The following GMDS variants were observed in gnomAD, a reference collection of about 807,000 sequenced individuals.
GMDS encodes GDP-mannose 4,6 dehydratase.
A neutral mutation model predicts 49.9 loss-of-function variants in GMDS; 20 were observed. That is an observed-to-expected ratio of 0.40 (90% confidence interval 0.28 to 0.58). GMDS has a LOEUF of 0.58. GMDS is among the 20% of genes least tolerant of loss of function. The probability of loss-of-function intolerance (pLI) is 0.42; values close to 1 mark genes in which losing one functional copy is unlikely to be tolerated. For missense variants in GMDS, 362 were observed against 481.4 expected, an observed-to-expected ratio of 0.75 and a Z score of 2.32; for synonymous variants, 177 against 178.6, an observed-to-expected ratio of 0.99 and a Z score of 0.07.
chr6:1,935,240 T>G (rs1446877599), intron 6 of GMDS, among the ~76,000 whole-genome samples: 1 of 152,200 alleles, frequency 6.6e-6, no homozygotes, highest in Non-Finnish European at 1.5e-5. Context: ...GTCTCCTCTG[T>G]GTACTACTTG....
At chr6:2,199,655 C>T (rs1023594598) in intron 1 of GMDS, among the ~76,000 whole-genome samples, 4 of 152,320 alleles carry the variant, frequency 2.6e-5, no homozygotes, top group African/African-American at 9.6e-5. Flanking sequence ...TTCTTACCAA[C>T]AACTTAATGC....
chr6:2,237,697 T>G (rs1012306052), intron 1 of GMDS, among the ~76,000 whole-genome samples: 4 of 151,958 alleles, frequency 2.6e-5, no homozygotes, highest in Non-Finnish European at 2.9e-5. Context: ...AATTTTTGTA[T>G]TTTTAGTAGA....
chr6:1,934,756 A>T (rs547715419), intron 6 of GMDS, among the ~76,000 whole-genome samples: 26 of 151,554 alleles, frequency 1.7e-4, no homozygotes, highest in African/African-American at 4.4e-4. Context: ...TTTTTTTTTT[A>T]AATTTGCTCT....
intron 1 of GMDS, among the ~76,000 whole-genome samples, chr6:2,196,089 C>T (rs1779264076): frequency 6.6e-6 from 1 of 152,052 alleles, no homozygotes; most frequent in Non-Finnish European, 1.5e-5. Context: ...AACTTACAAA[C>T]ATTAGTAACA....
intron 4 of GMDS, among the ~76,000 whole-genome samples, chr6:2,018,973 T>C (rs528571096): frequency 6.6e-6 from 1 of 152,166 alleles, no homozygotes; most frequent in African/African-American, 2.4e-5. Flanking sequence ...AAAGTTCCCA[T>C]TTTTCCACAA....
intron 9 of GMDS, among the ~76,000 whole-genome samples, chr6:1,669,253 A>C (rs1483557157): frequency 1.3e-5 from 2 of 152,114 alleles, no homozygotes; most frequent in Admixed American, 6.5e-5. Flanking sequence ...GCTTTTTGGG[A>C]ATTTCAGCCT....
At chr6:1,840,312 T>C (rs560952088) in intron 7 of GMDS, among the ~76,000 whole-genome samples, 1 of 152,310 alleles carries the variant, frequency 6.6e-6, no homozygotes, top group South Asian at 2.1e-4. Flanking sequence ...CTGCCTCTCC[T>C]CACCCCTTCC....
chr6:1,778,386 G>A lies in GMDS; in HGVS notation c.772-35800C>T, dbSNP rs1487468955. Among the ~76,000 whole-genome samples, 3 of 152,206 alleles carry A rather than the reference G, an allele frequency of 2.0e-5. No individual in the cohort carries two copies. Among genetic ancestry groups the A allele is most frequent in the Non-Finnish European group, 2.9e-5 (2 of 68,034 alleles). ...TTATTATAACACCTGAAAGATAAAT[G>A]AGCTGATGTTAAAGGTTCAGTGGAG... is the stretch of plus-strand genomic sequence containing the variant. On this transcript the variant is annotated intron_variant, in intron 7 of 10. Coordinates refer to ENST00000380815, the MANE Select transcript of GMDS (RefSeq NM_001500.4). This position sits in a 1 kb window ranked among gnomAD's most constrained non-coding sequence, Gnocchi z 4.6.
chr6:1,810,281 AGAG>A (rs1770362763), intron 7 of GMDS, among the ~76,000 whole-genome samples: 1 of 152,168 alleles, frequency 6.6e-6, no homozygotes, highest in South Asian at 2.1e-4. Context: ...GGCAGGGGGC[AGAG>A]GAGAAGTTTA....
Position 1,911,035 on chromosome 6 carries a change from C to T in GMDS, c.771+19068G>A, listed in dbSNP as rs1208791454. Among the ~76,000 whole-genome samples the T allele has an allele frequency of 2.0e-5, 3 of 152,236 alleles. No individual in the cohort carries two copies. The South Asian group carries it at 6.2e-4, about 32-fold the overall frequency. On this transcript the variant is annotated intron_variant, in intron 7 of 10. Transcript: ENST00000380815. ...GGAAAATCTGTTCCCACAGCCTGGA[C>T]CCTACAGTCAGGGAAAGATGGAGGG...
chr6:1,624,075 G>T lies in GMDS; in HGVS notation c.*94C>A. ...CAGCAGGGGCCGCAGGGGACCCGCA[G>T]ATTGGCACGCCGCTCCCCATCCCCG... On this transcript the variant is annotated 3_prime_UTR_variant, in exon 11 of 11. Transcript: ENST00000380815. The T allele has an allele frequency of 8.6e-7, 1 of 1,163,724 alleles. No homozygotes were observed. The highest frequency in any genetic ancestry group is 1.2e-6 in the Non-Finnish European group (1 of 802,886). 72.1% of individuals were successfully genotyped at this position (1,163,724 alleles called of 1,614,324 possible).
intron 4 of GMDS, among the ~76,000 whole-genome samples, chr6:1,967,299 G>A (rs1328928185): frequency 6.6e-6 from 1 of 152,142 alleles, no homozygotes; most frequent in Admixed American, 6.6e-5. Context: ...CTTGTTCTCC[G>A]CAGTGTCTCC....
At position 1,905,449 on chromosome 6, in the gene GMDS, A is replaced by G. The variant is rs9501782; in HGVS notation, c.771+24654T>C. Among the ~76,000 whole-genome samples, 247 of 105,402 alleles carry G rather than the reference A, an allele frequency of 2.3e-3. 5 individuals carry two copies. The highest frequency in any genetic ancestry group is 8.5e-3 in the African/African-American group (208 of 24,536). The allele number at this position is 105,402 out of a possible 152,430, so 69.1% of individuals were successfully genotyped here. On this transcript the variant is annotated intron_variant, in intron 7 of 10. Coordinates refer to ENST00000380815, the MANE Select transcript of GMDS (RefSeq NM_001500.4). ...CTGCATGTGGGGCCAGCACATAGCT[A>G]TGGGTGCTGGCGTGTAGGTGGGGCC...
intron 9 of GMDS, among the ~76,000 whole-genome samples, chr6:1,671,382 A>G (rs777401864): frequency 1.3e-5 from 2 of 152,154 alleles, no homozygotes; most frequent in Non-Finnish European, 2.9e-5. Context: ...AAGCCCCACA[A>G]TCTTCAGCAG....
intron 9 of GMDS, among the ~76,000 whole-genome samples, chr6:1,693,670 G>A (rs1483213053): frequency 6.6e-6 from 1 of 152,168 alleles, no homozygotes; most frequent in Non-Finnish European, 1.5e-5. Context: ...CTGTCTTAAT[G>A]CTAGTGTTTA....
At chr6:2,174,578 T>C (rs1373072738) in intron 1 of GMDS, among the ~76,000 whole-genome samples, 2 of 152,028 alleles carry the variant, frequency 1.3e-5, no homozygotes, top group Non-Finnish European at 2.9e-5. Context: ...TGTTTTGTTT[T>C]TTAAATTGAG....
At chr6:2,194,047 A>G (rs930690011) in intron 1 of GMDS, among the ~76,000 whole-genome samples, 2 of 152,042 alleles carry the variant, frequency 1.3e-5, no homozygotes, top group Admixed American at 1.3e-4. Context: ...TTTAAAAAAA[A>G]AGAAGCATTA....
chr6:1,790,355 G>T (rs1325075039), intron 7 of GMDS, among the ~76,000 whole-genome samples: 1 of 152,174 alleles, frequency 6.6e-6, no homozygotes, highest in Admixed American at 6.5e-5. Context: ...TCTTACCACA[G>T]CCCAGTAGGG....
At chr6:2,030,660 T>C (rs12214257) in intron 4 of GMDS, among the ~76,000 whole-genome samples, 36,780 of 152,108 alleles carry the variant, frequency 0.24, 5,552 homozygotes, top group Non-Finnish European at 0.35. Context: ...TTTGGAACTA[T>C]TACTTTCTGA....
Sources: gnomAD v4.1 joint callset for allele counts (sites outside exome capture counted in the v4.1 genomes callset) on GRCh38, gnomAD v4.1.1 for gene constraint, Gnocchi (gnomAD v3.1) non-coding constraint, MANE v1.5 for transcripts, NCBI Gene and HGNC (gene_info 2026-07-23, HGNC 2026-07-21) for gene names.